Variants in VPS13D observed in about 807,000 individuals in gnomAD.
The protein encoded by VPS13D is intermembrane lipid transfer protein VPS13D.
VPS13D carries 187 observed loss-of-function variants against 461.9 expected under a neutral mutation model. That is an observed-to-expected ratio of 0.40 (90% confidence interval 0.36 to 0.46). The LOEUF is 0.46. Among genes scored for constraint, VPS13D ranks in the 20% least tolerant of loss-of-function variants. VPS13D has a pLI of 0.60. For missense variants in VPS13D, 4,711 were observed against 5,364.9 expected (o/e 0.88, Z 3.81); for synonymous variants, 1,951 against 1,986.3 (o/e 0.98, Z 0.47).
intron 1 of VPS13D, among the ~76,000 whole-genome samples, chr1:12,233,940 T>C (rs235257): frequency 0.2 from 29,641 of 151,890 alleles, 5,083 homozygotes; most frequent in African/African-American, 0.46. Context: ...CCCAGCTACT[T>C]GGGAGGCTGA....
In VPS13D at chr1:12,273,125, G is replaced by A. The variant is rs201238472; in HGVS notation, c.2226G>A (p.Thr742=). Residue 742 remains threonine, a synonymous_variant, in exon 18 of 70, where the codon ACG becomes ACA. Transcript: ENST00000620676. ...VVVDLGRMLL[T]NTQDNSRRKS... Reference sequence around the variant, plus strand: ...TGGATCTAGGAAGAATGCTTTTGACGAACACCCAAGGTATAGTGTGAGTGG... The same window carrying A: ...TGGATCTAGGAAGAATGCTTTTGACAAACACCCAAGGTATAGTGTGAGTGG... The A allele has an allele frequency of 2.6e-5, 42 of 1,613,934 alleles. No individual in the cohort carries two copies. In the East Asian group the frequency reaches 7.8e-4, roughly 30 times the overall value.
rs565638556 is a variant in VPS13D, at chr1:12,281,300, A to G, written c.4603-1405A>G. ...TCTTTGTTTTGGGTTTGTTGGAATCAGGATACAGACAATTGGAAGCATTGC... is the reference window on the plus strand; with the variant it reads ...TCTTTGTTTTGGGTTTGTTGGAATCGGGATACAGACAATTGGAAGCATTGC... On this transcript the variant is annotated intron_variant, in intron 20 of 69. Coordinates refer to ENST00000620676, the MANE Select transcript of VPS13D (RefSeq NM_015378.4). Among the ~76,000 whole-genome samples the G allele has an allele frequency of 1.3e-4, 20 of 152,344 alleles. No homozygotes were observed. The South Asian group carries it at 4.1e-3, about 32-fold the overall frequency.
At chr1:12,268,420 C>T (rs1641340039) in intron 15 of VPS13D, among the ~76,000 whole-genome samples, 1 of 152,076 alleles carries the variant, frequency 6.6e-6, no homozygotes, top group Non-Finnish European at 1.5e-5. Context: ...CTGGTCCTCT[C>T]TCAGTGGAGC....
rs568919333 is a variant in VPS13D, at chr1:12,468,400, A to G, written c.12662+8004A>G. Among the ~76,000 whole-genome samples the G allele has an allele frequency of 6.6e-5, 10 of 152,320 alleles. No homozygotes were observed. In the South Asian group the frequency reaches 2.1e-3, roughly 32 times the overall value. On this transcript the variant is annotated intron_variant, in intron 67 of 69. Transcript: ENST00000620676. The stretch of plus-strand genomic sequence containing the variant: ...AATCATCCACCTTTGCCCAAGATAA[A>G]ATTGAAATCTTTAACAAGAGGACCC...
chr1:12,285,990 T>TTCCTCTCCTCTCCTC (rs1332549731), intron 21 of VPS13D, among the ~76,000 whole-genome samples: 27 of 49,482 alleles, frequency 5.5e-4, no homozygotes, highest in East Asian at 2.8e-3. Context: ...TTCCTTTCCT[T>TTCCTCTCCTCTCCTC]TCCTCTCCTC....
chr1:12,292,262 CAAAAAAAAAAAAAA>C (rs766212937), intron 23 of VPS13D, among the ~76,000 whole-genome samples: 1 of 12,244 alleles, frequency 8.2e-5, no homozygotes, highest in Non-Finnish European at 1.4e-4. Flanking sequence ...AACTCCATCT[CAAAAAAAAAAAAAA>C]AAAAAAAAAA....
Position 12,356,048 on chromosome 1 carries a change from A to G in VPS13D, c.9829A>G (p.Lys3277Glu). 2 of 1,613,850 alleles carry G rather than the reference A, an allele frequency of 1.2e-6. No individual in the cohort carries two copies. Among genetic ancestry groups the G allele is most frequent in the Non-Finnish European group, 1.7e-6 (2 of 1,179,862 alleles). ...TGTGTGTCGAGCAGAAGGATCCTTA[A>G]AGATCTTCATTTCTGCTCCATATTG... is the stretch of plus-strand genomic sequence containing the variant. The part of the protein sequence containing the change: ...RIVCRAEGSL[K>E]IFISAPYWLI... Residue 3277 changes from lysine (K) to glutamate (E), a missense_variant, in exon 48 of 70, where the codon AAG becomes GAG. Coordinates refer to ENST00000620676, the MANE Select transcript of VPS13D (RefSeq NM_015378.4).
intron 65 of VPS13D, among the ~76,000 whole-genome samples, chr1:12,437,316 T>A (rs1645075069): frequency 6.6e-6 from 1 of 152,060 alleles, no homozygotes; most frequent in African/African-American, 2.4e-5. Context: ...AGGGTCCTTG[T>A]GAAAGGAAAA....
rs1426004232 is a variant in VPS13D at position 12,266,808 on chromosome 1, A to C, written c.1595-73A>C. 3 of 1,266,114 alleles carry C rather than the reference A, an allele frequency of 2.4e-6. 1 individual carries two copies. The Admixed American group carries it at 8.4e-5, about 35-fold the overall frequency. The allele number at this position is 1,266,114 out of a possible 1,614,324, so 78.4% of individuals were successfully genotyped here. ...TCTATAATAATCTTCTGTAAAATAG[A>C]ATATCTAATATTTTCAAAAACACAT... On this transcript the variant is annotated intron_variant, in intron 13 of 69. Coordinates refer to ENST00000620676, the MANE Select transcript of VPS13D (RefSeq NM_015378.4).
intron 40 of VPS13D, among the ~76,000 whole-genome samples, chr1:12,340,746 A>G (rs1643550274): frequency 1.3e-5 from 2 of 152,204 alleles, no homozygotes; most frequent in African/African-American, 4.8e-5. Context: ...AATGCTAGAC[A>G]CATAAGAAGA....
At chr1:12,471,744 A>G (rs1204106579) in intron 67 of VPS13D, among the ~76,000 whole-genome samples, 2 of 152,014 alleles carry the variant, frequency 1.3e-5, no homozygotes, top group Non-Finnish European at 2.9e-5. Context: ...GGTCACTTTG[A>G]TGATGTTTCC....
intron 29 of VPS13D, among the ~76,000 whole-genome samples, 198 bp downstream of exon 29, chr1:12,312,123 T>C (rs1297483463): frequency 6.6e-6 from 1 of 152,244 alleles, no homozygotes; most frequent in Non-Finnish European, 1.5e-5. Flanking sequence ...GGTTAGGTTA[T>C]GCTGTAGTAA....
At chr1:12,304,846 T>G in intron 26 of VPS13D, 118 bp downstream of exon 26, 8 of 1,004,424 alleles carry the variant, frequency 8.0e-6, no homozygotes, top group Non-Finnish European at 1.2e-5. Context: ...ATAGCATTTC[T>G]TTAACGATGA....
intron 54 of VPS13D, among the ~76,000 whole-genome samples, chr1:12,373,102 T>TTG (rs1644146257): frequency 7.2e-6 from 1 of 138,032 alleles, no homozygotes. Context: ...TTGGTTTTTT[T>TTG]TTTTTTTTTT....
At chr1:12,242,994 C>T (rs1381295592) in intron 3 of VPS13D, among the ~76,000 whole-genome samples, 3 of 151,090 alleles carry the variant, frequency 2.0e-5, no homozygotes, top group East Asian at 1.9e-4. Context: ...GCTCTGTCAC[C>T]GAGGCTGGAG....
At chr1:12,256,896 A>C in intron 8 of VPS13D, 91 bp from the exon 9 acceptor site, 1 of 1,342,236 alleles carries the variant, frequency 7.5e-7, no homozygotes, top group South Asian at 1.3e-5. Flanking sequence ...TGGATCAACT[A>C]ATGTGAATTG....
chr1:12,249,399 C>T, intron 6 of VPS13D, 60 bp downstream of exon 6: 3 of 1,374,022 alleles, frequency 2.2e-6, no homozygotes, highest in Non-Finnish European at 3.1e-6. Flanking sequence ...ATCTGGGGCT[C>T]TGCCTTTTGC....
intron 34 of VPS13D, 81 bp from the exon 35 acceptor site, chr1:12,323,625 C>G: frequency 7.1e-7 from 1 of 1,407,898 alleles, no homozygotes; most frequent in Admixed American, 1.9e-5. Flanking sequence ...TTTTAAATTT[C>G]TTTTCTTTTT....
At chr1:12,444,431 ACT>A (rs1035071538) in intron 65 of VPS13D, among the ~76,000 whole-genome samples, 3 of 151,768 alleles carry the variant, frequency 2.0e-5, no homozygotes, top group African/African-American at 7.3e-5. Context: ...ATTTTGGGAA[ACT>A]CTTGGCCAGC....
Sources: allele counts gnomAD v4.1 joint callset (sites outside exome capture counted in the v4.1 genomes callset), GRCh38; gene constraint gnomAD v4.1.1; transcripts MANE v1.5; gene names NCBI Gene and HGNC (gene_info 2026-07-23, HGNC 2026-07-21).